Variants in ORMDL1 observed in about 807,000 individuals in gnomAD.
The protein encoded by ORMDL1 is ORMDL sphingolipid biosynthesis regulator 1.
A neutral mutation model predicts 13.0 loss-of-function variants in ORMDL1; 10 were observed. The observed-to-expected ratio is 0.77, with a 90% CI of 0.47 to 1.30. The LOEUF is 1.30. Ranked by LOEUF, ORMDL1 falls within the 50% of genes most tolerant of loss-of-function variation. ORMDL1 has a pLI of 0.00. For missense variants in ORMDL1, 171 were observed against 186.7 expected (o/e 0.92, Z 0.49); for synonymous variants, 61 against 63.9 (o/e 0.95, Z 0.22).
chr2:189,767,269 G>GT (rs1252998885), downstream of ORMDL1, among the ~76,000 whole-genome samples: 1 of 152,224 alleles, frequency 6.6e-6, no homozygotes, highest in Non-Finnish European at 1.5e-5. Flanking sequence ...CCCCATGACT[G>GT]TTAAGTGCTG....
At chr2:189,776,598 C>G (rs2047702525) in intron 3 of ORMDL1, among the ~76,000 whole-genome samples, 1 of 152,076 alleles carries the variant, frequency 6.6e-6, no homozygotes, top group Non-Finnish European at 1.5e-5. Context: ...TTTCCTACCT[C>G]TACTTTTAAT....
At chr2:189,781,944 AC>A (rs1486952356) in intron 3 of ORMDL1, among the ~76,000 whole-genome samples, 1 of 49,872 alleles carries the variant, frequency 2.0e-5, no homozygotes, top group Admixed American at 4.0e-4. Context: ...CATCTTAGAC[AC>A]TTTTTTTTTT....
chr2:189,781,240 T>C (rs1367735026), intron 3 of ORMDL1, among the ~76,000 whole-genome samples: 1 of 152,174 alleles, frequency 6.6e-6, no homozygotes. Context: ...ATATTAATTT[T>C]TAAAAATCAA....
chr2:189,782,085 G>A (rs562297204), intron 3 of ORMDL1, among the ~76,000 whole-genome samples: 288 of 152,210 alleles, frequency 1.9e-3, no homozygotes, highest in Non-Finnish European at 2.6e-3. Flanking sequence ...TGGGACTACA[G>A]GCATGCGCCA....
chr2:189,782,562 G>C lies in ORMDL1; in HGVS notation c.34C>G (p.Pro12Ala). The change falls in exon 3 of 5, where the codon CCA (proline) becomes GCA (alanine). Residue 12 changes from proline to alanine, a missense_variant. Coordinates refer to ENST00000392349, the MANE Select transcript of ORMDL1 (RefSeq NM_016467.5). Reference protein sequence around the residue: ...NVGVAHSEVNPNTRVMNSRGM... With the variant: ...NVGVAHSEVNANTRVMNSRGM... Reference sequence around the variant, plus strand: ...CGGCTGTTCATGACACGGGTATTTGGATTCACTTCACTGTGGGCAACTCCA... The same window carrying C: ...CGGCTGTTCATGACACGGGTATTTGCATTCACTTCACTGTGGGCAACTCCA... The C allele has an allele frequency of 2.5e-6, 4 of 1,614,132 alleles. No individual in the cohort carries two copies. Among genetic ancestry groups the C allele is most frequent in the Non-Finnish European group, 3.4e-6 (4 of 1,180,024 alleles).
At chr2:189,764,898 T>C in the ORMDL1 span, 1 of 152,132 alleles carries the variant, frequency 6.6e-6, no homozygotes, top group African/African-American at 2.4e-5. Context: ...AGTGGTGCCA[T>C]CTCAGCTCAC....
chr2:189,779,661 T>C (rs1234147380), intron 3 of ORMDL1, among the ~76,000 whole-genome samples: 2 of 152,158 alleles, frequency 1.3e-5, no homozygotes, highest in African/African-American at 4.8e-5. Context: ...GAGTATGACT[T>C]GAGCAAACAT....
chr2:189,778,120 A>G (rs2106151256), intron 3 of ORMDL1: 1 of 447,004 alleles, frequency 2.2e-6, no homozygotes, highest in Middle Eastern at 7.1e-4. Context: ...CAGGGATGGC[A>G]TCTAAACCGT....
At chr2:189,766,452 GC>G (rs2106132490), downstream of ORMDL1, among the ~76,000 whole-genome samples, 1 of 152,244 alleles carries the variant, frequency 6.6e-6, no homozygotes, top group East Asian at 1.9e-4. Flanking sequence ...TCCCAGCCGG[GC>G]ACAGTGGCTC....
chr2:189,766,241 C>A (rs138001018), downstream of ORMDL1, among the ~76,000 whole-genome samples: 7 of 152,302 alleles, frequency 4.6e-5, no homozygotes, highest in African/African-American at 1.4e-4. Context: ...GTTTTGTTTG[C>A]TGAACCATTA....
At chr2:189,776,774 G>A (rs749703710) in intron 3 of ORMDL1, among the ~76,000 whole-genome samples, 2 of 152,024 alleles carry the variant, frequency 1.3e-5, no homozygotes, top group Non-Finnish European at 2.9e-5. Context: ...TGTTCAATTG[G>A]ATTTAACCCA....
chr2:189,766,462 T>G (rs888554139), downstream of ORMDL1, among the ~76,000 whole-genome samples: 10 of 152,120 alleles, frequency 6.6e-5, no homozygotes, highest in African/African-American at 2.4e-4. Context: ...GCACAGTGGC[T>G]CGCGCCTGTA....
At chr2:189,772,194 G>T (rs1559187181) in intron 4 of ORMDL1, among the ~76,000 whole-genome samples, 1 of 152,076 alleles carries the variant, frequency 6.6e-6, no homozygotes, top group East Asian at 1.9e-4. Flanking sequence ...GGGTTCATAT[G>T]CCCTCTGTAA....
intron 3 of ORMDL1, among the ~76,000 whole-genome samples, chr2:189,779,442 G>A (rs2047773329): frequency 6.6e-6 from 1 of 152,172 alleles, no homozygotes; most frequent in East Asian, 1.9e-4. Flanking sequence ...TGGTCCAGGT[G>A]AAAAGAAAAT....
At chr2:189,769,018 A>G (rs1050239386), downstream of ORMDL1, among the ~76,000 whole-genome samples, 1 of 152,152 alleles carries the variant, frequency 6.6e-6, no homozygotes, top group Non-Finnish European at 1.5e-5. Flanking sequence ...ATACTGTCTT[A>G]TAAGTCCTCT....
intron 2 of ORMDL1, 181 bp downstream of exon 2, chr2:189,782,833 A>C (rs780112244): frequency 1.1e-4 from 43 of 403,664 alleles, no homozygotes; most frequent in Admixed American, 1.6e-4. Flanking sequence ...GTTCTATTTG[A>C]AAAAATAGTT....
chr2:189,780,690 G>A (rs2047803837), intron 3 of ORMDL1, among the ~76,000 whole-genome samples: 1 of 152,156 alleles, frequency 6.6e-6, no homozygotes, highest in Admixed American at 6.5e-5. Context: ...AGAAATATAT[G>A]CCGGTGAAAG....
Position 189,784,337 on chromosome 2 carries a change from C to T in ORMDL1, c.-186G>A, listed in dbSNP as rs2048046838. 6.6e-6 allele frequency: 1 copy of T among 152,336 alleles called. No homozygotes were observed. Among genetic ancestry groups the T allele is most frequent in the Non-Finnish European group, 1.5e-5 (1 of 68,130 alleles). The allele number at this position is 152,336 out of a possible 1,614,324, so 9.4% of individuals were successfully genotyped here. ...CGGCTGCTACGGCCGCGGATACACG[C>T]CCTCAGGCCCGGCGCTGCGCAGCTT... On this transcript the variant is annotated 5_prime_UTR_variant, in exon 1 of 5. Coordinates refer to ENST00000392349, the MANE Select transcript of ORMDL1 (RefSeq NM_016467.5).
At chr2:189,782,044 GCGATTCT>G (rs1559191092) in intron 3 of ORMDL1, among the ~76,000 whole-genome samples, 1 of 151,768 alleles carries the variant, frequency 6.6e-6, no homozygotes. Flanking sequence ...CCAGGTTCAA[GCGATTCT>G]CCTGCCTCAG....
Sources: gnomAD v4.1 joint callset for allele counts (sites outside exome capture counted in the v4.1 genomes callset) on GRCh38, gnomAD v4.1.1 for gene constraint, MANE v1.5 for transcripts, NCBI Gene and HGNC (gene_info 2026-07-23, HGNC 2026-07-21) for gene names.